Variants in NKAIN2 observed in about 807,000 individuals in gnomAD.
The protein encoded by NKAIN2 is sodium/potassium-transporting ATPase subunit beta-1-interacting protein 2.
NKAIN2 carries 14 observed loss-of-function variants against 32.6 expected under a neutral mutation model. That is an observed-to-expected ratio of 0.43 (90% confidence interval 0.28 to 0.67). The LOEUF (loss-of-function observed/expected upper bound fraction) is 0.67. Ranked by LOEUF, NKAIN2 falls within the 30% of genes least tolerant of loss-of-function variation. The probability of loss-of-function intolerance (pLI) is 0.17; values close to 1 mark genes in which losing one functional copy is unlikely to be tolerated. For synonymous variants in NKAIN2, 80 were observed against 87.2 expected (o/e 0.92, Z 0.46); for missense variants, 198 against 258.3 (o/e 0.77, Z 1.60).
chr6:124,021,256 G>A (rs967445685), intron 1 of NKAIN2, among the ~76,000 whole-genome samples: 1 of 151,970 alleles, frequency 6.6e-6, no homozygotes, highest in Non-Finnish European at 1.5e-5. Flanking sequence ...ACAATATATA[G>A]CATGTATATG....
chr6:124,063,527 CT>C, intron 1 of NKAIN2, among the ~76,000 whole-genome samples: 1 of 151,870 alleles, frequency 6.6e-6, no homozygotes. Context: ...AGGTACTTAC[CT>C]CATGAATTTG....
At chr6:124,287,923 G>A (rs1562472672) in intron 2 of NKAIN2, among the ~76,000 whole-genome samples, 1 of 151,386 alleles carries the variant, frequency 6.6e-6, no homozygotes, top group Non-Finnish European at 1.5e-5. Context: ...AACAAATGTT[G>A]CTGTGTAACA....
At chr6:124,550,330 G>C (rs985910399) in intron 3 of NKAIN2, among the ~76,000 whole-genome samples, 5 of 151,992 alleles carry the variant, frequency 3.3e-5, no homozygotes, top group Admixed American at 6.6e-5. Context: ...TTCCTCCTAT[G>C]ACCTTTTCAT....
intron 1 of NKAIN2, among the ~76,000 whole-genome samples, chr6:123,903,445 T>C (rs545737278): frequency 2.0e-5 from 3 of 152,316 alleles, no homozygotes; most frequent in African/African-American, 7.2e-5. Context: ...TGGTATGCTT[T>C]ATAATATTCA....
At chr6:123,993,165 T>G (rs1779483342) in intron 1 of NKAIN2, among the ~76,000 whole-genome samples, 1 of 152,222 alleles carries the variant, frequency 6.6e-6, no homozygotes, top group Non-Finnish European at 1.5e-5. Flanking sequence ...ATTAACTTTC[T>G]TAATAGAATT....
rs190158410 is a variant in NKAIN2 at position 124,473,482 on chromosome 6, C to A, written c.273+118135C>A. The stretch of plus-strand genomic sequence containing the variant: ...TTATGGCTTTGTGATTTATTTCATT[C>A]GTTGTAGTAACTAGTATTTTTTTCC... On this transcript the variant is annotated intron_variant, in intron 3 of 6. Coordinates refer to ENST00000368417, the MANE Select transcript of NKAIN2 (RefSeq NM_001040214.3). Among the ~76,000 whole-genome samples the A allele has an allele frequency of 3.3e-5, 5 of 152,110 alleles. No homozygotes were observed. In the East Asian group the frequency reaches 5.8e-4, roughly 18 times the overall value.
intron 3 of NKAIN2, among the ~76,000 whole-genome samples, chr6:124,375,444 A>G (rs1234301977): frequency 6.8e-6 from 1 of 146,778 alleles, no homozygotes; most frequent in South Asian, 2.1e-4. Flanking sequence ...TATAAATTAC[A>G]TTTATATATA....
At chr6:124,583,893 A>C (rs1781613490) in intron 3 of NKAIN2, among the ~76,000 whole-genome samples, 1 of 152,222 alleles carries the variant, frequency 6.6e-6, no homozygotes, top group Non-Finnish European at 1.5e-5. Context: ...ACATTGAAGA[A>C]AGGACAGTGT....
intron 1 of NKAIN2, among the ~76,000 whole-genome samples, chr6:123,928,443 G>A (rs1776107886): frequency 6.6e-6 from 1 of 152,040 alleles, no homozygotes; most frequent in Non-Finnish European, 1.5e-5. Flanking sequence ...AAAGTGTGAC[G>A]ATCCTTTATG....
chr6:124,477,946 A>G (rs1475135816), intron 3 of NKAIN2, among the ~76,000 whole-genome samples: 4 of 151,514 alleles, frequency 2.6e-5, no homozygotes, highest in Non-Finnish European at 4.4e-5. Flanking sequence ...AATATCCTTT[A>G]CAAAGAACTT....
At chr6:123,938,534 TTTTTATATATTATATA>T (rs1264757268) in intron 1 of NKAIN2, among the ~76,000 whole-genome samples, 9 of 138,078 alleles carry the variant, frequency 6.5e-5, no homozygotes, top group Middle Eastern at 7.3e-3. Context: ...TATATTATAT[TTTTTATATATTATATA>T]TTTATATATT....
Position 124,331,737 on chromosome 6 carries a change from A to G in NKAIN2, c.193-23530A>G, listed in dbSNP as rs567874169. Among the ~76,000 whole-genome samples, 9 of 152,304 alleles carry G rather than the reference A, an allele frequency of 5.9e-5. No individual in the cohort carries two copies. In the South Asian group the frequency reaches 1.9e-3, roughly 32 times the overall value. On this transcript the variant is annotated intron_variant, in intron 2 of 6. Transcript: ENST00000368417. ...TCTATAGACAAAGAGCAGGAAAAAC[A>G]CTAAGAAGCCTCATACATAGAAATT... is the stretch of plus-strand genomic sequence containing the variant.
intron 1 of NKAIN2, among the ~76,000 whole-genome samples, chr6:123,900,626 A>C (rs1203438555): frequency 2.4e-5 from 3 of 124,382 alleles, no homozygotes. Flanking sequence ...AATCTGGTTA[A>C]CCCCCCGAGC....
rs374779594 is a variant in NKAIN2, at chr6:123,893,618, A to T, written c.54+89364A>T. Among the ~76,000 whole-genome samples the T allele has an allele frequency of 1.5e-4, 23 of 152,330 alleles. No individual in the cohort carries two copies. The South Asian group carries it at 4.3e-3, about 29-fold the overall frequency. On this transcript the variant is annotated intron_variant, in intron 1 of 6. Transcript: ENST00000368417. ...TTGATGCCTGCAGCTTGTAAGTGAC[A>T]TGTTCAGTGTCCTGTGGCTATATAG...
At chr6:123,832,778 T>G (rs1396496517) in intron 1 of NKAIN2, among the ~76,000 whole-genome samples, 1 of 152,250 alleles carries the variant, frequency 6.6e-6, no homozygotes, top group African/African-American at 2.4e-5. Context: ...TTTTCTTTGT[T>G]GAGGTGTCTA....
At chr6:124,084,507 A>G (rs895016228) in intron 1 of NKAIN2, among the ~76,000 whole-genome samples, 3 of 151,944 alleles carry the variant, frequency 2.0e-5, no homozygotes, top group African/African-American at 7.2e-5. Context: ...TCACCTAACC[A>G]TGTATTTCTC....
At chr6:124,373,277 C>T (rs1430752269) in intron 3 of NKAIN2, among the ~76,000 whole-genome samples, 1 of 151,988 alleles carries the variant, frequency 6.6e-6, no homozygotes, top group Admixed American at 6.6e-5. Context: ...GGTTTGTAGT[C>T]TGAGGCATCA....
At chr6:124,679,999 G>A (rs1562320543) in intron 4 of NKAIN2, among the ~76,000 whole-genome samples, 1 of 152,012 alleles carries the variant, frequency 6.6e-6, no homozygotes, top group Non-Finnish European at 1.5e-5. Flanking sequence ...AGATAAGAAA[G>A]CAAGAGATAT....
At chr6:123,824,143 A>G (rs946295413) in intron 1 of NKAIN2, among the ~76,000 whole-genome samples, 2 of 152,098 alleles carry the variant, frequency 1.3e-5, no homozygotes, top group Non-Finnish European at 1.5e-5. Flanking sequence ...CAATCTTATT[A>G]TATATAGAAA....
Sources: allele counts gnomAD v4.1 joint callset (sites outside exome capture counted in the v4.1 genomes callset), GRCh38; gene constraint gnomAD v4.1.1; transcripts MANE v1.5; gene names NCBI Gene and HGNC (gene_info 2026-07-23, HGNC 2026-07-21).